The following POTED variants were observed in gnomAD, a reference collection of about 807,000 sequenced individuals.
The protein encoded by POTED is POTE ankyrin domain family member D.
A neutral mutation model predicts 19.0 loss-of-function variants in POTED; 7 were observed. The ratio of observed to expected loss-of-function variants is 0.37; its 90% CI spans 0.21 to 0.69. The LOEUF (loss-of-function observed/expected upper bound fraction) is 0.69, where lower values mean the gene tolerates loss of function less well. Among genes scored for constraint, POTED ranks in the 30% least tolerant of loss-of-function variants. The pLI is 0.56. For synonymous variants in POTED, 16 were observed against 92.0 expected (o/e 0.17, Z 4.73); for missense variants, 54 against 278.5 (o/e 0.19, Z 5.74).
intron 1 of POTED, among the ~76,000 whole-genome samples, chr21:13,611,571 A>T (rs1291671147): frequency 1.4e-5 from 1 of 70,488 alleles, no homozygotes; most frequent in Non-Finnish European, 2.4e-5. Context: ...AAGGTGAATT[A>T]TTCATAAATT....
chr21:13,636,504 C>T lies in POTED; in HGVS notation c.1410-3011C>T, dbSNP rs2011235488. Among the ~76,000 whole-genome samples, 2 of 81,796 alleles carry T rather than the reference C, an allele frequency of 2.4e-5. 1 individual carries two copies. The highest frequency in any genetic ancestry group is 1.9e-4 in the African/African-American group (2 of 10,692). 53.7% of individuals were successfully genotyped at this position (81,796 alleles called of 152,430 possible). Reference sequence around the variant, plus strand: ...ATTTAAAAGTAATTACAGTTTGCTGCTGGCAAATTCAGCTTTTTATATTTT... The same window carrying T: ...ATTTAAAAGTAATTACAGTTTGCTGTTGGCAAATTCAGCTTTTTATATTTT... On this transcript the variant is annotated intron_variant, in intron 9 of 10. Transcript: ENST00000299443.
Position 13,610,813 on chromosome 21 carries a change from C to T in POTED, c.521+64C>T, listed in dbSNP as rs1311031124. 8 of 1,040,840 alleles carry T rather than the reference C, an allele frequency of 7.7e-6. 2 individuals carry two copies. Among genetic ancestry groups the T allele is most frequent in the South Asian group, 1.7e-5 (1 of 59,078 alleles). The allele number at this position is 1,040,840 out of a possible 1,614,324, so 64.5% of individuals were successfully genotyped here. A position where few individuals can be genotyped will look rare whatever the true frequency, so the allele number is the denominator to read the frequency against. ...GGATGATGGGGACATACCCTCCTGGCGCAGGGAGGGAGGAGCCAGGCTTTC... is the reference window on the plus strand; with the variant it reads ...GGATGATGGGGACATACCCTCCTGGTGCAGGGAGGGAGGAGCCAGGCTTTC... On this transcript the variant is annotated intron_variant, in intron 1 of 10. Transcript: ENST00000299443.
chr21:13,611,230 C>T (rs9631200), intron 1 of POTED, among the ~76,000 whole-genome samples: 1 of 79,890 alleles, frequency 1.3e-5, no homozygotes, highest in Non-Finnish European at 2.2e-5. Context: ...AAGTATGGTT[C>T]ATATCTTTGA....
chr21:13,637,004 A>ATATATATATATATATATATATATATTTT (rs1481200854), intron 9 of POTED, among the ~76,000 whole-genome samples: 4 of 16,468 alleles, frequency 2.4e-4, no homozygotes, highest in Non-Finnish European at 2.9e-4. Flanking sequence ...ATATATATAT[A>ATATATATATATATATATATATATATTTT]TTTTTTTTTT....
intron 4 of POTED, among the ~76,000 whole-genome samples, chr21:13,619,509 C>A (rs2011166643): frequency 1.6e-5 from 1 of 61,698 alleles, no homozygotes; most frequent in Non-Finnish European, 2.7e-5. Flanking sequence ...GCTTTGGATT[C>A]ACACAAGACT....
Position 13,637,390 on chromosome 21 carries a change from G to GT in POTED, c.1410-2120dup, listed in dbSNP as rs1568899189. ...CCTGATGATTAGTAATATTTAGCATGTTTTTATATTCTTGTTCACCATTTG... is the reference window on the plus strand; with the variant it reads ...CCTGATGATTAGTAATATTTAGCATGTTTTTTATATTCTTGTTCACCATTTG... On this transcript the variant is annotated intron_variant, in intron 9 of 10. Transcript: ENST00000299443. Among the ~76,000 whole-genome samples, 2 of 62,878 alleles carry GT rather than the reference G, an allele frequency of 3.2e-5. 1 individual carries two copies. Among genetic ancestry groups the GT allele is most frequent in the Admixed American group, 2.8e-4 (2 of 7,052 alleles). 41.3% of individuals were successfully genotyped at this position (62,878 alleles called of 152,430 possible). A position where few individuals can be genotyped will look rare whatever the true frequency, so the allele number is the denominator to read the frequency against.
At chr21:13,627,801 T>G (rs2011192725) in intron 6 of POTED, among the ~76,000 whole-genome samples, 1 of 29,870 alleles carries the variant, frequency 3.3e-5, no homozygotes, top group Non-Finnish European at 5.6e-5. Context: ...GCAGCTGCAT[T>G]GAAGGAAAAC....
intron 9 of POTED, among the ~76,000 whole-genome samples, chr21:13,637,005 T>TA (rs1491152956): frequency 0.056 from 684 of 12,286 alleles, 236 homozygotes; most frequent in Middle Eastern, 0.11. Context: ...TATATATATA[T>TA]TTTTTTTTTT....
rs1445463295 is a variant in POTED, at chr21:13,645,336, G to C, written c.*3770G>C. Among the ~76,000 whole-genome samples the C allele has an allele frequency of 7.6e-6, 1 of 131,982 alleles. No homozygotes were observed. The highest frequency in any genetic ancestry group is 1.6e-5 in the Non-Finnish European group (1 of 61,354). The allele number at this position is 131,982 out of a possible 152,430, so 86.6% of individuals were successfully genotyped here. A position where few individuals can be genotyped will look rare whatever the true frequency, so the allele number is the denominator to read the frequency against. ...AATAAAAGAAAAAATGTTAAAGGCA[G>C]CTAGGGAGAAAGGCAACATCACCTG... On this transcript the variant is annotated 3_prime_UTR_variant, in exon 11 of 11. Transcript: ENST00000299443.
chr21:13,635,227 T>A lies in POTED; in HGVS notation c.1409+4120T>A, dbSNP rs1272835851. On this transcript the variant is annotated intron_variant, in intron 9 of 10. Transcript: ENST00000299443. The stretch of plus-strand genomic sequence containing the variant: ...GGGAGTTTATCCTGGATATATTGTT[T>A]GATTAATTCTCACTTTAAAAATGTT... Among the ~76,000 whole-genome samples the A allele has an allele frequency of 4.0e-5, 3 of 75,252 alleles. 1 individual carries two copies. Among genetic ancestry groups the A allele is most frequent in the African/African-American group, 3.3e-4 (3 of 9,120 alleles). The allele number at this position is 75,252 out of a possible 152,430, so 49.4% of individuals were successfully genotyped here. A position where few individuals can be genotyped will look rare whatever the true frequency, so the allele number is the denominator to read the frequency against.
At position 13,643,297 on chromosome 21, in the gene POTED, C is replaced by G. The variant is rs2011287169; in HGVS notation, c.*1731C>G. On this transcript the variant is annotated 3_prime_UTR_variant, in exon 11 of 11. Coordinates refer to ENST00000299443, the MANE Select transcript of POTED (RefSeq NM_174981.6). ...GAGCAGCAAGTCAGCTGATGTGGAG[C>G]CCGGAGGGCAGGGACAGCTATGTCT... Among the ~76,000 whole-genome samples, 6 of 44,548 alleles carry G rather than the reference C, an allele frequency of 1.3e-4. No homozygotes were observed. In the South Asian group the frequency reaches 4.7e-3, roughly 35 times the overall value. 29.2% of individuals were successfully genotyped at this position (44,548 alleles called of 152,430 possible).
chr21:13,610,990 G>C (rs1428444190), intron 1 of POTED, among the ~76,000 whole-genome samples: 1 of 80,482 alleles, frequency 1.2e-5, no homozygotes. Flanking sequence ...CTGTTTTAAA[G>C]TGATTTAACT....
intron 7 of POTED, among the ~76,000 whole-genome samples, chr21:13,629,582 T>C (rs2011201666): frequency 1.7e-5 from 1 of 58,972 alleles, no homozygotes. Context: ...TGGTTCATGT[T>C]TTTATTCTCC....
rs1568899687 is a variant in POTED, at chr21:13,640,552, T to TG, written c.1534-793_1534-792insG. On this transcript the variant is annotated intron_variant, in intron 10 of 10. Transcript: ENST00000299443. ...TGTGTGTGTGTGTGTGTGTGTGTGT[T>TG]TGTGTGTGTGTATTCTAGATGGAGT... Among the ~76,000 whole-genome samples, 167 of 66,520 alleles carry TG rather than the reference T, an allele frequency of 2.5e-3. 57 individuals are homozygous for TG. The highest frequency in any genetic ancestry group is 0.016 in the African/African-American group (144 of 8,860). The allele number at this position is 66,520 out of a possible 152,430, so 43.6% of individuals were successfully genotyped here.
chr21:13,614,405 T>C (rs371968781), intron 1 of POTED, among the ~76,000 whole-genome samples: 1 of 79,854 alleles, frequency 1.3e-5, no homozygotes, highest in South Asian at 3.5e-4. Context: ...AGACCTGTTA[T>C]ATTATAACAT....
At chr21:13,627,439 C>G (rs2011190596) in intron 6 of POTED, among the ~76,000 whole-genome samples, 1 of 75,924 alleles carries the variant, frequency 1.3e-5, no homozygotes, top group African/African-American at 7.3e-5. Flanking sequence ...AAGACCCTGG[C>G]TCAAACAAAA....
At position 13,619,453 on chromosome 21, in the gene POTED, A is replaced by G. The variant is rs1198633317; in HGVS notation, c.918-705A>G. On this transcript the variant is annotated intron_variant, in intron 4 of 10. Transcript: ENST00000299443. ...AAAATAAAAAACAAAACAAAAACAA[A>G]ACAAAAACTAGCTGGGCATGGAAAA... is the stretch of plus-strand genomic sequence containing the variant. 5.2e-5 allele frequency among the ~76,000 whole-genome samples: 4 copies of G among 76,410 alleles called. 1 individual carries two copies. The highest frequency in any genetic ancestry group is 9.3e-5 in the Non-Finnish European group (4 of 43,174). The allele number at this position is 76,410 out of a possible 152,430, so 50.1% of individuals were successfully genotyped here. A position where few individuals can be genotyped will look rare whatever the true frequency, so the allele number is the denominator to read the frequency against.
At position 13,612,033 on chromosome 21, in the gene POTED, A is replaced by G. The variant is rs545319142; in HGVS notation, c.521+1284A>G. ...AAACCGGCATATATATGCAGATATAATAAAATAAGCTCAATTTAAAATTGG... is the reference window on the plus strand; with the variant it reads ...AAACCGGCATATATATGCAGATATAGTAAAATAAGCTCAATTTAAAATTGG... On this transcript the variant is annotated intron_variant, in intron 1 of 10. Coordinates refer to ENST00000299443, the MANE Select transcript of POTED (RefSeq NM_174981.6). Among the ~76,000 whole-genome samples the G allele has an allele frequency of 2.5e-4, 18 of 71,312 alleles. 6 individuals carry two copies. Among genetic ancestry groups the G allele is most frequent in the Non-Finnish European group, 4.3e-4 (18 of 41,882 alleles). The allele number at this position is 71,312 out of a possible 152,430, so 46.8% of individuals were successfully genotyped here.
rs1481200854 is a variant in POTED, at chr21:13,637,004, A to ATATATATATATAT, written c.1410-2510_1410-2509insATATATATATATT. Among the ~76,000 whole-genome samples the ATATATATATATAT allele has an allele frequency of 3.6e-4, 6 of 16,468 alleles. 2 individuals carry two copies. Among genetic ancestry groups the ATATATATATATAT allele is most frequent in the African/African-American group, 1.8e-3 (2 of 1,136 alleles). 10.8% of individuals were successfully genotyped at this position (16,468 alleles called of 152,430 possible). On this transcript the variant is annotated intron_variant, in intron 9 of 10. Transcript: ENST00000299443. The stretch of plus-strand genomic sequence containing the variant: ...TACCCAGTCTCAGGTATATATATAT[A>ATATATATATATAT]TTTTTTTTTTTTTTTCTTTATTCCA...
Sources: gnomAD v4.1 joint callset for allele counts (sites outside exome capture counted in the v4.1 genomes callset) on GRCh38, gnomAD v4.1.1 for gene constraint, MANE v1.5 for transcripts, NCBI Gene and HGNC (gene_info 2026-07-23, HGNC 2026-07-21) for gene names.